Variants in PID1 observed in about 807,000 individuals in gnomAD.
PID1 encodes PTB-containing, cubilin and LRP1-interacting protein.
PID1 carries 10 observed loss-of-function variants against 19.1 expected under a neutral mutation model. The ratio of observed to expected loss-of-function variants is 0.52; its 90% CI spans 0.32 to 0.89. The LOEUF (loss-of-function observed/expected upper bound fraction) is 0.89, where lower values mean the gene tolerates loss of function less well. Among genes scored for constraint, PID1 ranks in the 40% least tolerant of loss-of-function variants. The probability of loss-of-function intolerance (pLI) is 0.03; values close to 1 mark genes in which losing one functional copy is unlikely to be tolerated. For missense variants in PID1, 248 were observed against 285.3 expected (o/e 0.87, Z 0.94); for synonymous variants, 130 against 116.0 (o/e 1.12, Z -0.78).
Position 229,064,631 on chromosome 2 carries a change from G to A in PID1, c.178-38523C>T, listed in dbSNP as rs548093973. 7.9e-5 allele frequency among the ~76,000 whole-genome samples: 12 copies of A among 151,950 alleles called. No individual in the cohort carries two copies. The South Asian group carries it at 1.9e-3, about 24-fold the overall frequency. ...TTTTGATAAAAAAATTGCCATATTC[G>A]AAAGTGAAAAAGCATATTTGTTTGT... On this transcript the variant is annotated intron_variant, in intron 2 of 2. Transcript: ENST00000392055.
chr2:229,065,988 T>G (rs980823411), intron 2 of PID1, among the ~76,000 whole-genome samples: 1 of 152,126 alleles, frequency 6.6e-6, no homozygotes, highest in Admixed American at 6.6e-5. Flanking sequence ...CTTTATATAA[T>G]CCAAGGAAAG....
intron 2 of PID1, among the ~76,000 whole-genome samples, chr2:229,115,879 T>C (rs895192420): frequency 6.6e-6 from 1 of 152,196 alleles, no homozygotes; most frequent in Non-Finnish European, 1.5e-5. Flanking sequence ...CATTTTTTAA[T>C]TGCTTCATGG....
At chr2:229,131,709 T>A (rs1461785810) in intron 2 of PID1, among the ~76,000 whole-genome samples, 1 of 152,152 alleles carries the variant, frequency 6.6e-6, no homozygotes, top group Non-Finnish European at 1.5e-5. Flanking sequence ...CAGTAATTAA[T>A]CCTATTTGTA....
chr2:229,153,383 C>T (rs911863091), intron 2 of PID1, among the ~76,000 whole-genome samples: 11 of 152,188 alleles, frequency 7.2e-5, no homozygotes, highest in Non-Finnish European at 1.5e-4. Context: ...TTATCTATGC[C>T]TGGAATCGCC....
chr2:229,184,957 A>ATATATATACTATATATATACTATATATAT (rs1159515329), intron 1 of PID1, among the ~76,000 whole-genome samples: 291 of 2,118 alleles, frequency 0.14, 6 homozygotes, highest in Non-Finnish European at 0.5. Flanking sequence ...ATATATATAA[A>ATATATATACTATATATATACTATATATAT]ATCCCATATA....
chr2:229,171,797 A>C (rs1690716448), intron 1 of PID1, among the ~76,000 whole-genome samples: 1 of 152,208 alleles, frequency 6.6e-6, no homozygotes, highest in African/African-American at 2.4e-5. Context: ...CATACTGTTC[A>C]CATCTTGCCT....
chr2:229,183,708 C>A (rs545690330), intron 1 of PID1, among the ~76,000 whole-genome samples: 1 of 151,984 alleles, frequency 6.6e-6, no homozygotes, highest in Non-Finnish European at 1.5e-5. Flanking sequence ...GAACTCCTAC[C>A]ATCATTTCTG....
At chr2:229,121,279 C>A (rs1452864564) in intron 2 of PID1, among the ~76,000 whole-genome samples, 2 of 152,072 alleles carry the variant, frequency 1.3e-5, no homozygotes, top group African/African-American at 4.8e-5. Context: ...AATTTTTGAA[C>A]CTCAAAGAAG....
At chr2:229,028,744 T>C (rs994111330) in intron 2 of PID1, among the ~76,000 whole-genome samples, 1 of 152,188 alleles carries the variant, frequency 6.6e-6, no homozygotes, top group Non-Finnish European at 1.5e-5. Flanking sequence ...GGCCACTGTC[T>C]GAAGTGAATT....
chr2:229,244,036 G>C (rs2106278511), intron 1 of PID1, among the ~76,000 whole-genome samples: 1 of 152,254 alleles, frequency 6.6e-6, no homozygotes, highest in South Asian at 2.1e-4. Context: ...AGCCCCACGT[G>C]TAATTTCTCT....
At chr2:229,143,674 T>C (rs1690065692) in intron 2 of PID1, among the ~76,000 whole-genome samples, 1 of 152,130 alleles carries the variant, frequency 6.6e-6, no homozygotes, top group Admixed American at 6.5e-5. Flanking sequence ...TCACCATGTG[T>C]CAAGGGAGGG....
At chr2:229,036,003 C>G (rs533141121) in intron 2 of PID1, among the ~76,000 whole-genome samples, 1 of 152,318 alleles carries the variant, frequency 6.6e-6, no homozygotes, top group African/African-American at 2.4e-5. Context: ...CTAAAGAACT[C>G]TGAAATGGTG....
chr2:229,136,447 A>C, intron 2 of PID1, among the ~76,000 whole-genome samples: 1 of 152,284 alleles, frequency 6.6e-6, no homozygotes, highest in East Asian at 1.9e-4. Context: ...TTAATTTCTT[A>C]TGCAACAATA....
chr2:229,150,306 G>T (rs1348636026), intron 2 of PID1, among the ~76,000 whole-genome samples: 1 of 151,688 alleles, frequency 6.6e-6, no homozygotes, highest in Non-Finnish European at 1.5e-5. Flanking sequence ...TGCTAAATTA[G>T]CCCTGTTCAC....
intron 1 of PID1, among the ~76,000 whole-genome samples, chr2:229,163,409 A>G (rs987072312): frequency 2.0e-5 from 3 of 152,198 alleles, no homozygotes; most frequent in Admixed American, 6.5e-5. Context: ...AAGGCGCTCT[A>G]TATCTATTAA....
At chr2:229,117,449 G>A (rs6436841) in intron 2 of PID1, among the ~76,000 whole-genome samples, 84,433 of 151,858 alleles carry the variant, frequency 0.56, 24,467 homozygotes, top group Admixed American at 0.64. Flanking sequence ...TTGCTTGCCT[G>A]GATTATTGCA....
intron 2 of PID1, among the ~76,000 whole-genome samples, chr2:229,080,282 C>T (rs533662763): frequency 4.6e-5 from 7 of 152,310 alleles, no homozygotes; most frequent in African/African-American, 1.7e-4. Flanking sequence ...TGTAATCTGG[C>T]TTCTACCTAC....
chr2:229,097,225 T>C (rs1037649708), intron 2 of PID1, among the ~76,000 whole-genome samples: 2 of 152,194 alleles, frequency 1.3e-5, no homozygotes, highest in African/African-American at 4.8e-5. Flanking sequence ...GTCACACTTG[T>C]TGGGAGAGCA....
At chr2:229,118,449 C>T (rs1046106836) in intron 2 of PID1, among the ~76,000 whole-genome samples, 10 of 152,146 alleles carry the variant, frequency 6.6e-5, no homozygotes, top group African/African-American at 2.2e-4. Context: ...GGAAAGAAAA[C>T]ATCCTGGCTC....
Sources: gnomAD v4.1 joint callset for allele counts (sites outside exome capture counted in the v4.1 genomes callset) on GRCh38, gnomAD v4.1.1 for gene constraint, MANE v1.5 for transcripts, NCBI Gene and HGNC (gene_info 2026-07-23, HGNC 2026-07-21) for gene names.